DEFB109B: variants seen among roughly 807,000 people sequenced by gnomAD.
DEFB109B encodes the protein defensin beta 109B.
At chr8:7,312,006 T>C (rs1802633183), upstream of DEFB109B, among the ~76,000 whole-genome samples, 1 of 128,350 alleles carries the variant, frequency 7.8e-6, no homozygotes. Context: ...TGGAGATAAG[T>C]GTTAAATGGG....
chr8:7,309,993 TC>T (rs1802526429), upstream of DEFB109B, among the ~76,000 whole-genome samples: 1 of 23,648 alleles, frequency 4.2e-5, no homozygotes, highest in Non-Finnish European at 8.6e-5. Context: ...ACATGCCTAT[TC>T]TTGGTGAACC....
intron 1 of DEFB109B, chr8:7,318,823 G>A (rs1803109917): frequency 6.9e-6 from 1 of 145,534 alleles, no homozygotes. Context: ...GTCATCTGGA[G>A]GAAATACTGG....
intron 1 of DEFB109B, among the ~76,000 whole-genome samples, chr8:7,315,538 GAGAA>G (rs1230289800): frequency 7.5e-6 from 1 of 132,846 alleles, no homozygotes; most frequent in Non-Finnish European, 1.5e-5. Flanking sequence ...AAGAAAGAAA[GAGAA>G]AGAAAGAAAA....
At chr8:7,316,781 C>T (rs1563242386) in intron 1 of DEFB109B, among the ~76,000 whole-genome samples, 1 of 137,936 alleles carries the variant, frequency 7.2e-6, no homozygotes, top group Non-Finnish European at 1.5e-5. Flanking sequence ...TGTCCACCAC[C>T]ATCTTCAGCT....
intron 1 of DEFB109B, among the ~76,000 whole-genome samples, chr8:7,315,724 GGTACACACA>G (rs1802876539): frequency 7.2e-6 from 1 of 139,466 alleles, no homozygotes; most frequent in Non-Finnish European, 1.5e-5. Flanking sequence ...CTGCAACTCA[GGTACACACA>G]AAGCATGTGT....
intron 1 of DEFB109B, among the ~76,000 whole-genome samples, chr8:7,313,668 C>T (rs1802758051): frequency 1.4e-5 from 2 of 142,288 alleles, no homozygotes; most frequent in Non-Finnish European, 3.0e-5. Context: ...ATTTACTGGG[C>T]TAAGCATGCA....
upstream of DEFB109B, among the ~76,000 whole-genome samples, chr8:7,312,231 T>C (rs2128804865): frequency 7.4e-6 from 1 of 135,554 alleles, no homozygotes. Context: ...GGGTTAAAGC[T>C]ATAAAAAATG....
At chr8:7,312,332 T>C (rs1802655465), upstream of DEFB109B, among the ~76,000 whole-genome samples, 1 of 138,862 alleles carries the variant, frequency 7.2e-6, no homozygotes, top group South Asian at 2.1e-4. Flanking sequence ...GGGTCGATCT[T>C]AGGGGTTCTG....
upstream of DEFB109B, among the ~76,000 whole-genome samples, chr8:7,309,684 T>A (rs940070473): frequency 2.0e-5 from 3 of 146,682 alleles, no homozygotes; most frequent in Non-Finnish European, 4.4e-5. Context: ...GTAGGACTTA[T>A]TGCTTTTACC....
Position 7,315,697 on chromosome 8 carries a change from T to A in DEFB109B, n.58+2794T>A, listed in dbSNP as rs1020681646. On this transcript the variant is annotated intron_variant and non_coding_transcript_variant, in intron 1 of 1. Coordinates refer to ENST00000382656, the Ensembl canonical transcript of DEFB109B. ...CTTCTTATCTCCATCAAGGGCAGCT[T>A]CCTCCTGCTTCTGCTGCTGCAACTC... Among the ~76,000 whole-genome samples the A allele has an allele frequency of 1.2e-4, 17 of 136,478 alleles. 1 individual carries two copies. Among genetic ancestry groups the A allele is most frequent in the Admixed American group, 4.2e-4 (6 of 14,440 alleles). 89.5% of individuals were successfully genotyped at this position (136,478 alleles called of 152,430 possible). A position where few individuals can be genotyped will look rare whatever the true frequency, so the allele number is the denominator to read the frequency against.
At chr8:7,312,365 A>C (rs1426038407), upstream of DEFB109B, among the ~76,000 whole-genome samples, 1 of 137,940 alleles carries the variant, frequency 7.2e-6, no homozygotes, top group Non-Finnish European at 1.5e-5. Flanking sequence ...ACCACAACAA[A>C]GGGACGTAGG....
chr8:7,315,493 C>T (rs1280731574), intron 1 of DEFB109B, among the ~76,000 whole-genome samples: 8 of 81,720 alleles, frequency 9.8e-5, no homozygotes, highest in Non-Finnish European at 1.9e-4. Flanking sequence ...AGTGAGACTC[C>T]GTCAAAAAAA....
At chr8:7,315,589 AGT>A (rs1177980866) in intron 1 of DEFB109B, among the ~76,000 whole-genome samples, 1 of 133,068 alleles carries the variant, frequency 7.5e-6, no homozygotes, top group South Asian at 2.3e-4. Flanking sequence ...AATGAGAGTG[AGT>A]GTGTTTGGGC....
chr8:7,317,345 T>C (rs888948815), intron 1 of DEFB109B, among the ~76,000 whole-genome samples: 1 of 146,628 alleles, frequency 6.8e-6, no homozygotes, highest in Non-Finnish European at 1.5e-5. Context: ...TAATAGCAGA[T>C]CTTCCCAGAA....
At chr8:7,310,392 AAATAGC>A (rs1802549865), upstream of DEFB109B, among the ~76,000 whole-genome samples, 2 of 76,664 alleles carry the variant, frequency 2.6e-5, no homozygotes, top group Non-Finnish European at 4.4e-5. Flanking sequence ...TGTATGAGAT[AAATAGC>A]ACACAACCAA....
chr8:7,317,347 T>C (rs1464190688), intron 1 of DEFB109B, among the ~76,000 whole-genome samples: 1 of 146,670 alleles, frequency 6.8e-6, no homozygotes, highest in Non-Finnish European at 1.5e-5. Flanking sequence ...ATAGCAGATC[T>C]TCCCAGAAGA....
chr8:7,315,424 T>C (rs1802847095), intron 1 of DEFB109B, among the ~76,000 whole-genome samples: 1 of 133,630 alleles, frequency 7.5e-6, no homozygotes. Context: ...ACTTGAACCC[T>C]GGAGGCGGAG....
At chr8:7,315,582 G>T (rs1321487296) in intron 1 of DEFB109B, among the ~76,000 whole-genome samples, 3 of 133,250 alleles carry the variant, frequency 2.3e-5, no homozygotes, top group East Asian at 4.2e-4. Context: ...GTGAGTGAAT[G>T]AGAGTGAGTG....
intron 1 of DEFB109B, chr8:7,319,247 AAAAGAG>A (rs1332430606): frequency 7.4e-6 from 1 of 135,478 alleles, no homozygotes; most frequent in Non-Finnish European, 1.5e-5. Context: ...AAAAAAAAAA[AAAAGAG>A]AGAGAGAGAG....
Sources: allele counts gnomAD v4.1 joint callset (sites outside exome capture counted in the v4.1 genomes callset), GRCh38; gene constraint gnomAD v4.1.1; transcripts MANE v1.5; gene names NCBI Gene and HGNC (gene_info 2026-07-23, HGNC 2026-07-21).